ABCG1: variants seen among roughly 807,000 people sequenced by gnomAD.
ABCG1 encodes the protein ATP binding cassette subfamily G member 1, also known as ATP-binding cassette sub-family G member 1.
ABCG1 carries 29 observed loss-of-function variants against 69.2 expected under a neutral mutation model. The observed-to-expected ratio is 0.42, with a 90% CI of 0.31 to 0.57. The LOEUF (loss-of-function observed/expected upper bound fraction) is 0.57. Among genes scored for constraint, ABCG1 ranks in the 20% least tolerant of loss-of-function variants. ABCG1 has a pLI of 0.15. For synonymous variants in ABCG1, 370 were observed against 374.8 expected, an observed-to-expected ratio of 0.99 and a Z score of 0.15; for missense variants, 718 against 898.1, an observed-to-expected ratio of 0.80 and a Z score of 2.56.
Position 42,276,922 on chromosome 21 carries a change from A to G in ABCG1, c.565A>G (p.Lys189Glu). Residue 189 changes from lysine (K) to glutamate (E), a missense_variant, in exon 5 of 15, where the codon AAG becomes GAG. Lys to Glu is a moderately conservative substitution (Grantham distance 56, BLOSUM62 1). Coordinates refer to ENST00000398449, the MANE Select transcript of ABCG1 (RefSeq NM_016818.3). The surrounding 1 kb of genome is among the most constrained non-coding windows in gnomAD (Gnocchi z 5.3). Reference sequence around the variant, plus strand: ...GTCGGCACATCTGAAGCTTCAGGAGAAGGATGAAGGCAGAAGGGAAATGGT... The same window carrying G: ...GTCGGCACATCTGAAGCTTCAGGAGGAGGATGAAGGCAGAAGGGAAATGGT... ...MVSAHLKLQEKDEGRREMVKE... is the reference protein window; with the variant it reads ...MVSAHLKLQEEDEGRREMVKE... The G allele has an allele frequency of 1.2e-6, 2 of 1,614,086 alleles. No individual in the cohort carries two copies. The highest frequency in any genetic ancestry group is 1.7e-4 in the Middle Eastern group (1 of 6,060).
chr21:42,290,047 C>T lies in ABCG1; in HGVS notation c.1225-3C>T, dbSNP rs2069025805. 1 of 1,614,230 alleles carries T rather than the reference C, an allele frequency of 6.2e-7. No individual in the cohort carries two copies. The highest frequency in any genetic ancestry group is 1.1e-5 in the South Asian group (1 of 91,080). On this transcript the variant is annotated splice_region_variant and splice_polypyrimidine_tract_variant and intron_variant, in intron 10 of 14. Transcript: ENST00000398449. ...ACTGGGTAAGATGCGGGTCTGTCCC[C>T]AGGTCCTGACACACCTGCGCATCAC...
At chr21:42,283,860 A>AC (rs1324850619) in intron 6 of ABCG1, among the ~76,000 whole-genome samples, 2 of 25,102 alleles carry the variant, frequency 8.0e-5, no homozygotes, top group African/African-American at 3.7e-4. Context: ...ATGAGTGGGG[A>AC]CCCCCCCACC....
chr21:42,256,676 A>G (rs2068311317), intron 2 of ABCG1: 1 of 1,448,174 alleles, frequency 6.9e-7, no homozygotes, highest in South Asian at 1.5e-5. Context: ...TGCTCCTCCC[A>G]GAGACTGATG....
At chr21:42,280,322 A>G (rs2839482) in intron 5 of ABCG1, among the ~76,000 whole-genome samples, 31,180 of 152,202 alleles carry the variant, frequency 0.2, 3,296 homozygotes, top group South Asian at 0.3. Context: ...CTAGAAGATC[A>G]TGGAATTTTT....
chr21:42,282,803 C>A (rs561830593), intron 6 of ABCG1, among the ~76,000 whole-genome samples: 36 of 152,354 alleles, frequency 2.4e-4, no homozygotes, highest in African/African-American at 8.7e-4. Flanking sequence ...TTTAGCACAG[C>A]AGAGGCTCAG....
chr21:42,273,230 C>G lies in ABCG1; in HGVS notation c.405-73C>G. 6.5e-7 allele frequency: 1 copy of G among 1,541,978 alleles called. No individual in the cohort carries two copies. The highest frequency in any genetic ancestry group is 1.4e-5 in the African/African-American group (1 of 73,162). On this transcript the variant is annotated intron_variant, in intron 3 of 14. Transcript: ENST00000398449. This position sits in a 1 kb window ranked among gnomAD's most constrained non-coding sequence, Gnocchi z 5.3. ...GGAGGCAAGCCCCCGTCTCTGGCTC[C>G]CCTCTCCTGCCCCGGGAGGTGGAGG...
intron 2 of ABCG1, among the ~76,000 whole-genome samples, chr21:42,237,236 G>A (rs1354107946): frequency 6.6e-6 from 1 of 152,240 alleles, no homozygotes; most frequent in African/African-American, 2.4e-5. Context: ...TCTAGAATAT[G>A]AATTTCAAAG....
At chr21:42,227,420 T>C (rs2067834552) in intron 2 of ABCG1, among the ~76,000 whole-genome samples, 1 of 152,216 alleles carries the variant, frequency 6.6e-6, no homozygotes, top group Non-Finnish European at 1.5e-5. Context: ...ATAGACAAAT[T>C]ATGGCAAAGC....
chr21:42,205,402 C>A (rs1430477092), intron 2 of ABCG1, among the ~76,000 whole-genome samples: 1 of 152,046 alleles, frequency 6.6e-6, no homozygotes, highest in African/African-American at 2.4e-5. Context: ...AATTCAAGAC[C>A]AGCCTGGCTA....
chr21:42,201,844 G>C, intron 2 of ABCG1: 1 of 1,566,754 alleles, frequency 6.4e-7, no homozygotes, highest in Admixed American at 1.7e-5. Context: ...TGGGCTGTGG[G>C]AGCTCCTGCG....
upstream of ABCG1, among the ~76,000 whole-genome samples, chr21:42,215,774 C>T (rs2123481389): frequency 6.6e-6 from 1 of 152,300 alleles, no homozygotes; most frequent in Non-Finnish European, 1.5e-5. Flanking sequence ...CATTGGCTGG[C>T]CAGGGCCTAC....
In ABCG1 at chr21:42,290,035, C is replaced by T. The variant is rs753903763; in HGVS notation, c.1225-15C>T. The T allele has an allele frequency of 1.2e-5, 20 of 1,614,112 alleles. No homozygotes were observed. Among genetic ancestry groups the T allele is most frequent in the East Asian group, 2.2e-5 (1 of 44,904 alleles). Reference sequence around the variant, plus strand: ...CTTTGCGAACGCACTGGGTAAGATGCGGGTCTGTCCCCAGGTCCTGACACA... The same window carrying T: ...CTTTGCGAACGCACTGGGTAAGATGTGGGTCTGTCCCCAGGTCCTGACACA... On this transcript the variant is annotated splice_polypyrimidine_tract_variant and intron_variant, in intron 10 of 14. Transcript: ENST00000398449.
At chr21:42,229,501 C>T (rs7279161) in intron 2 of ABCG1, among the ~76,000 whole-genome samples, 3,139 of 152,034 alleles carry the variant, frequency 0.021, 106 homozygotes, top group African/African-American at 0.071. Context: ...AGGTGGATCA[C>T]GAGGTCAGGA....
chr21:42,242,950 C>T (rs1458084270), intron 2 of ABCG1, among the ~76,000 whole-genome samples: 1 of 152,146 alleles, frequency 6.6e-6, no homozygotes, highest in Non-Finnish European at 1.5e-5. Context: ...GGCGATGCTG[C>T]TGTTGCTGGT....
rs538450163 is a variant in ABCG1, at chr21:42,210,832, C to T, written c.48+9109C>T. 1.7e-3 allele frequency among the ~76,000 whole-genome samples: 254 copies of T among 152,278 alleles called. 1 individual carries two copies. The highest frequency in any genetic ancestry group is 3.4e-3 in the Middle Eastern group (1 of 294). ...GGTGAAGAAGGGGTCCTCTCTATAG[C>T]TGGGCTGGCTCACCAGAGGAAGCGA... On this transcript the variant is annotated intron_variant, in intron 2 of 15. Transcript: ENST00000398457.
rs779081963 is a variant in ABCG1, at chr21:42,282,405, C to T, written c.720C>T (p.Phe240=). 1.1e-5 allele frequency: 17 copies of T among 1,612,542 alleles called. 1 individual carries two copies. The highest frequency in any genetic ancestry group is 7.7e-5 in the South Asian group (7 of 90,998). The change falls in exon 6 of 15, where the codon TTC becomes TTT. Residue 240 remains phenylalanine, a synonymous_variant. Coordinates refer to ENST00000398449, the MANE Select transcript of ABCG1 (RefSeq NM_016818.3). The part of the protein sequence containing the change: ...ELVNNPPVMF[F]DEPTSGLDSA... ...TGAACAACCCTCCAGTCATGTTCTT[C>T]GATGAGCCCACCAGGTAAGTCAGGA...
At position 42,288,549 on chromosome 21, in the gene ABCG1, A is replaced by T. The variant is rs189696338; in HGVS notation, c.1224+237A>T. On this transcript the variant is annotated intron_variant, in intron 10 of 14. Transcript: ENST00000398449. This position sits in a 1 kb window ranked among gnomAD's most constrained non-coding sequence, Gnocchi z 4.8. ...TGGGGAAACCCCATCTCTGCTAAAA[A>T]TACAAAAATTAGCCAGGCCTGGTAG... Among the ~76,000 whole-genome samples the T allele has an allele frequency of 6.6e-6, 1 of 152,300 alleles. No individual in the cohort carries two copies. The highest frequency in any genetic ancestry group is 1.9e-4 in the East Asian group (1 of 5,178).
At chr21:42,277,140 T>G (rs910096542) in intron 5 of ABCG1, among the ~76,000 whole-genome samples, 195 bp downstream of exon 5, 3 of 152,200 alleles carry the variant, frequency 2.0e-5, no homozygotes, top group African/African-American at 7.2e-5. Context: ...AAGGCAGATC[T>G]GGTGCACACG....
intron 2 of ABCG1, chr21:42,256,543 A>C (rs1262660434): frequency 6.5e-7 from 1 of 1,547,776 alleles, no homozygotes; most frequent in Admixed American, 2.0e-5. Context: ...ATGTCACAAC[A>C]AATATCCCAT....
Sources: gnomAD v4.1 joint callset for allele counts (sites outside exome capture counted in the v4.1 genomes callset) on GRCh38, gnomAD v4.1.1 for gene constraint, Gnocchi (gnomAD v3.1) non-coding constraint, MANE v1.5 for transcripts, NCBI Gene and HGNC (gene_info 2026-07-23, HGNC 2026-07-21) for gene names.